Variants in SGPP2 observed in about 807,000 individuals in gnomAD.
The protein encoded by SGPP2 is sphingosine-1-phosphate phosphatase 2.
SGPP2 carries 30 observed loss-of-function variants against 33.9 expected under a neutral mutation model. The ratio of observed to expected loss-of-function variants is 0.89; its 90% CI spans 0.66 to 1.20. SGPP2 has a LOEUF of 1.20. SGPP2 is among the 50% of genes most tolerant of loss of function. The pLI, the probability that SGPP2 is intolerant of heterozygous loss-of-function variation, is 0.00. For synonymous variants in SGPP2, 233 were observed against 225.0 expected (o/e 1.04, Z -0.32); for missense variants, 458 against 532.1 (o/e 0.86, Z 1.37).
intron 1 of SGPP2, among the ~76,000 whole-genome samples, chr2:222,462,379 A>G (rs1697676774): frequency 6.6e-6 from 1 of 152,082 alleles, no homozygotes; most frequent in Non-Finnish European, 1.5e-5. Flanking sequence ...GCAGGGAGTT[A>G]GAAGACCCTT....
intron 4 of SGPP2, among the ~76,000 whole-genome samples, chr2:222,528,378 T>C (rs1698791440): frequency 6.6e-6 from 1 of 152,142 alleles, no homozygotes; most frequent in South Asian, 2.1e-4. Flanking sequence ...TCTCAGTGCA[T>C]ATAAAAATGT....
intron 4 of SGPP2, among the ~76,000 whole-genome samples, chr2:222,542,549 T>G (rs1167060259): frequency 6.6e-6 from 1 of 152,200 alleles, no homozygotes; most frequent in African/African-American, 2.4e-5. Flanking sequence ...TTTCCAGTTC[T>G]CCACATCCTT....
chr2:222,425,066 T>A (rs1697041984), intron 1 of SGPP2, among the ~76,000 whole-genome samples: 1 of 152,198 alleles, frequency 6.6e-6, no homozygotes, highest in Non-Finnish European at 1.5e-5. Context: ...TGCAGTCCAT[T>A]TAGAGACTTC....
In SGPP2 at chr2:222,512,320, AT is replaced by A. The variant is rs575827326; in HGVS notation, c.379-9439del. ...ACCACCATGCCTGTTCTAAACTTTT[AT>A]TTTTTTTAGAGAAGTTTTAGGTTCA... is the stretch of plus-strand genomic sequence containing the variant. On this transcript the variant is annotated intron_variant, in intron 2 of 4. Coordinates refer to ENST00000321276, the MANE Select transcript of SGPP2 (RefSeq NM_152386.4). 2.0e-5 allele frequency among the ~76,000 whole-genome samples: 3 copies of A among 151,824 alleles called. No homozygotes were observed. The South Asian group carries it at 6.3e-4, about 32-fold the overall frequency.
intron 1 of SGPP2, among the ~76,000 whole-genome samples, chr2:222,453,334 T>C (rs1404102211): frequency 5.3e-5 from 8 of 152,118 alleles, no homozygotes; most frequent in Non-Finnish European, 1.0e-4. Flanking sequence ...ATTTAAGAGC[T>C]GGACTGGAAA....
intron 2 of SGPP2, among the ~76,000 whole-genome samples, chr2:222,509,432 T>C (rs909512727): frequency 6.6e-6 from 1 of 152,208 alleles, no homozygotes; most frequent in African/African-American, 2.4e-5. Context: ...ATTTTAGGCA[T>C]TAATAAATAT....
rs114135246 is a variant in SGPP2, at chr2:222,527,943, C to T, written c.648+2910C>T. ...TCTGGGAGCTCTTGTGGTAAAGAAA[C>T]CTATGCCACCCCTCAGGTGTCCAAG... On this transcript the variant is annotated intron_variant, in intron 4 of 4. Transcript: ENST00000321276. Among the ~76,000 whole-genome samples, 532 of 152,228 alleles carry T rather than the reference C, an allele frequency of 3.5e-3. 1 individual carries two copies. The highest frequency in any genetic ancestry group is 0.012 in the African/African-American group (516 of 41,540).
Position 222,465,122 on chromosome 2 carries a change from C to T in SGPP2, c.220-9446C>T, listed in dbSNP as rs1356492405. 6.6e-6 allele frequency among the ~76,000 whole-genome samples: 1 copy of T among 152,190 alleles called. No individual in the cohort carries two copies. The highest frequency in any genetic ancestry group is 1.5e-5 in the Non-Finnish European group (1 of 68,028). On this transcript the variant is annotated intron_variant, in intron 1 of 4. Transcript: ENST00000321276. This position sits in a 1 kb window ranked among gnomAD's most constrained non-coding sequence, Gnocchi z 4.1. ...CAGCAGAGGGATCCCGACAAACGCC[C>T]ACTAAGCAGGTGACAGTGATGAGTG...
chr2:222,533,946 G>A (rs1698876831), intron 4 of SGPP2, among the ~76,000 whole-genome samples: 1 of 152,138 alleles, frequency 6.6e-6, no homozygotes, highest in Non-Finnish European at 1.5e-5. Flanking sequence ...CAGGTCTGGA[G>A]CCAACCCGTG....
intron 1 of SGPP2, among the ~76,000 whole-genome samples, chr2:222,431,611 C>T (rs1460466433): frequency 6.6e-6 from 1 of 152,090 alleles, no homozygotes; most frequent in East Asian, 1.9e-4. Context: ...GAGGATGAAG[C>T]ATCTTGGAGC....
Position 222,558,737 on chromosome 2 carries a change from C to G in SGPP2, c.1039C>G (p.Leu347Val). 6.2e-7 allele frequency: 1 copy of G among 1,614,222 alleles called. No homozygotes were observed. The highest frequency in any genetic ancestry group is 1.1e-5 in the South Asian group (1 of 91,084). The stretch of plus-strand genomic sequence containing the variant: ...TCGTCAGCTTGTACAAAATCTCTCA[C>G]TGCAAGTATTATACTCATGGTTCAA... Reference protein sequence around the residue: ...LVRQLVQNLSLQVLYSWFKVV... With the variant: ...LVRQLVQNLSVQVLYSWFKVV... Residue 347 changes from leucine (L) to valine (V), a missense_variant, in exon 5 of 5, where the codon CTG becomes GTG. Physicochemically the swap from Leu to Val is conservative, Grantham distance 32. Transcript: ENST00000321276.
rs1176138731 is a variant in SGPP2 at position 222,499,618 on chromosome 2, G to A, written c.379-22149G>A. ...GACGTGTTGGGGGAAACACAAGTTG[G>A]GGCATTGGGGGAAACACAAGTTGGG... On this transcript the variant is annotated intron_variant, in intron 2 of 4. Transcript: ENST00000321276. 2.0e-5 allele frequency among the ~76,000 whole-genome samples: 3 copies of A among 151,962 alleles called. No individual in the cohort carries two copies. In the South Asian group the frequency reaches 6.2e-4, roughly 32 times the overall value.
chr2:222,557,980 A>G (rs1172926061), intron 4 of SGPP2, among the ~76,000 whole-genome samples: 1 of 152,198 alleles, frequency 6.6e-6, no homozygotes, highest in Non-Finnish European at 1.5e-5. Context: ...GGATGAAAGG[A>G]TGGTGACACC....
At chr2:222,451,624 C>T (rs1304008937) in intron 1 of SGPP2, among the ~76,000 whole-genome samples, 3 of 152,222 alleles carry the variant, frequency 2.0e-5, no homozygotes, top group African/African-American at 7.2e-5. Context: ...TAGACTTTCC[C>T]ACTGACCACA....
chr2:222,474,856 C>G (rs1484254988), intron 2 of SGPP2, 130 bp downstream of exon 2: 3 of 804,268 alleles, frequency 3.7e-6, no homozygotes, highest in South Asian at 2.1e-5. Flanking sequence ...AATTTGTTGC[C>G]TAATTTCCTT....
chr2:222,480,225 T>C (rs1429607828), intron 2 of SGPP2, among the ~76,000 whole-genome samples: 2 of 152,240 alleles, frequency 1.3e-5, no homozygotes, highest in Non-Finnish European at 2.9e-5. Flanking sequence ...TATTTAGTTT[T>C]GTAACATGAG....
intron 4 of SGPP2, among the ~76,000 whole-genome samples, chr2:222,543,847 G>A (rs532776344): frequency 1.3e-5 from 2 of 152,050 alleles, no homozygotes; most frequent in Admixed American, 6.5e-5. Context: ...ATAAATTTTC[G>A]AATCGGCTTT....
chr2:222,543,787 GC>G lies in SGPP2; in HGVS notation c.649-14556del, dbSNP rs549493615. Among the ~76,000 whole-genome samples the G allele has an allele frequency of 1.8e-3, 273 of 152,280 alleles. 1 individual carries two copies. The highest frequency in any genetic ancestry group is 6.4e-3 in the African/African-American group (264 of 41,562). The stretch of plus-strand genomic sequence containing the variant: ...TAAGTATTGGTATCAGATAGTGACA[GC>G]CCCTAACTTTGTTCTTCAAAATTAT... On this transcript the variant is annotated intron_variant, in intron 4 of 4. Coordinates refer to ENST00000321276, the MANE Select transcript of SGPP2 (RefSeq NM_152386.4).
chr2:222,456,849 A>C (rs922697426), intron 1 of SGPP2, among the ~76,000 whole-genome samples: 16 of 152,322 alleles, frequency 1.1e-4, no homozygotes, highest in African/African-American at 3.8e-4. Flanking sequence ...CAATAAAGTA[A>C]GGTTATCTCT....
Sources: gnomAD v4.1 joint callset for allele counts (sites outside exome capture counted in the v4.1 genomes callset) on GRCh38, gnomAD v4.1.1 for gene constraint, Gnocchi (gnomAD v3.1) non-coding constraint, MANE v1.5 for transcripts, NCBI Gene and HGNC (gene_info 2026-07-23, HGNC 2026-07-21) for gene names.